The following CEP128 variants were observed in gnomAD, a reference collection of about 807,000 sequenced individuals.
CEP128 encodes centrosomal protein 128kDa.
CEP128 carries 132 observed loss-of-function variants against 156.7 expected under a neutral mutation model. That is an observed-to-expected ratio of 0.84 (90% CI 0.73 to 0.97). CEP128 has a LOEUF of 0.97. CEP128 is among the 50% of genes least tolerant of loss of function. The pLI, the probability that CEP128 is intolerant of heterozygous loss-of-function variation, is 0.00. For missense variants in CEP128, 1,252 were observed against 1,281.9 expected (o/e 0.98, Z 0.36); for synonymous variants, 469 against 448.9 (o/e 1.04, Z -0.57).
At chr14:80,929,662 C>T (rs1016425804) in intron 2 of CEP128, among the ~76,000 whole-genome samples, 3 of 152,054 alleles carry the variant, frequency 2.0e-5, no homozygotes, top group African/African-American at 7.2e-5. Flanking sequence ...GGGAGCTAAG[C>T]TATGAGTACA....
intron 19 of CEP128, among the ~76,000 whole-genome samples, chr14:80,637,901 G>A (rs1244539263): frequency 1.3e-5 from 2 of 152,164 alleles, no homozygotes; most frequent in Non-Finnish European, 2.9e-5. Context: ...AGAAATGCCA[G>A]CAGTCACCAG....
intron 17 of CEP128, 77 bp from the exon 18 acceptor site, chr14:80,757,028 A>C: frequency 1.1e-6 from 1 of 945,170 alleles, no homozygotes; most frequent in South Asian, 1.7e-5. Context: ...TCTTCACCAC[A>C]GTATCCAAAA....
intron 19 of CEP128, among the ~76,000 whole-genome samples, chr14:80,683,435 T>TAC (rs1326516590): frequency 2.6e-5 from 4 of 152,042 alleles, no homozygotes; most frequent in African/African-American, 9.7e-5. Context: ...TATATATATA[T>TAC]ACACACCACC....
downstream of CEP128, among the ~76,000 whole-genome samples, chr14:80,488,061 C>A (rs1482654744): frequency 5.4e-5 from 8 of 148,694 alleles, no homozygotes; most frequent in Middle Eastern, 7.0e-3. Context: ...ACACAAAAAA[C>A]CCTTCAAAAA....
chr14:80,584,545 T>C (rs1000558285), intron 19 of CEP128, among the ~76,000 whole-genome samples: 8 of 152,272 alleles, frequency 5.3e-5, no homozygotes, highest in East Asian at 1.9e-4. Context: ...ACACCATTGC[T>C]GTATGCCACT....
At chr14:80,795,731 T>C (rs1369161774) in intron 13 of CEP128, among the ~76,000 whole-genome samples, 3 of 152,204 alleles carry the variant, frequency 2.0e-5, no homozygotes, top group Admixed American at 6.5e-5. Context: ...TAGTATGTAC[T>C]ATAACTCCTC....
intron 13 of CEP128, among the ~76,000 whole-genome samples, chr14:80,803,126 G>A (rs936367023): frequency 2.6e-5 from 4 of 152,164 alleles, no homozygotes; most frequent in African/African-American, 9.6e-5. Context: ...ATATTTCTGT[G>A]TTCTATTGCT....
chr14:80,831,403 T>C (rs2140044820), intron 12 of CEP128, 109 bp from the exon 13 acceptor site: 2 of 1,174,026 alleles, frequency 1.7e-6, no homozygotes, highest in East Asian at 2.4e-5. Flanking sequence ...TCATAATCCA[T>C]TTATTGACAG....
chr14:80,930,143 G>A (rs1342312152), intron 2 of CEP128, among the ~76,000 whole-genome samples: 2 of 152,200 alleles, frequency 1.3e-5, no homozygotes, highest in African/African-American at 4.8e-5. Context: ...GTGGAGCTGA[G>A]GTGGTGATTC....
chr14:80,874,401 T>G (rs1221539814), intron 8 of CEP128, among the ~76,000 whole-genome samples: 3 of 150,592 alleles, frequency 2.0e-5, no homozygotes, highest in African/African-American at 7.3e-5. Context: ...GAGGTGGAGG[T>G]TGCAGCGAGC....
intron 19 of CEP128, among the ~76,000 whole-genome samples, chr14:80,661,904 G>T (rs1895417796): frequency 6.6e-6 from 1 of 152,116 alleles, no homozygotes; most frequent in Non-Finnish European, 1.5e-5. Context: ...TTGCTTAATG[G>T]ACTGAAAAAC....
chr14:80,875,568 T>A (rs1256391766), intron 8 of CEP128, among the ~76,000 whole-genome samples: 1 of 152,204 alleles, frequency 6.6e-6, no homozygotes, highest in Non-Finnish European at 1.5e-5. Flanking sequence ...ATAAACAGAT[T>A]GATGATTTTG....
At chr14:80,670,226 G>T (rs144386241) in intron 19 of CEP128, among the ~76,000 whole-genome samples, 50 of 152,196 alleles carry the variant, frequency 3.3e-4, no homozygotes, top group African/African-American at 9.9e-4. Context: ...GGCAAATATC[G>T]AAACTATATT....
At chr14:80,739,601 AAGACTGAGACTATTTT>A (rs1330399861) in intron 19 of CEP128, among the ~76,000 whole-genome samples, 5 of 152,120 alleles carry the variant, frequency 3.3e-5, no homozygotes, top group Non-Finnish European at 5.9e-5. Context: ...TCTACTCTTA[AAGACTGAGACTATTTT>A]AGACACAAAG....
intron 24 of CEP128, among the ~76,000 whole-genome samples, chr14:80,501,779 G>T (rs187883321): frequency 8.5e-4 from 129 of 151,868 alleles, no homozygotes; most frequent in Middle Eastern, 3.4e-3. Context: ...CTTTTCTTTG[G>T]TGTGCTCTTG....
chr14:80,682,897 G>A (rs994047300), intron 19 of CEP128, among the ~76,000 whole-genome samples: 11 of 152,116 alleles, frequency 7.2e-5, no homozygotes, highest in African/African-American at 2.7e-4. Context: ...AAGTGCTAAG[G>A]GAATTTGTTA....
chr14:80,615,240 C>T (rs895244243), intron 19 of CEP128, among the ~76,000 whole-genome samples: 1 of 152,126 alleles, frequency 6.6e-6, no homozygotes, highest in African/African-American at 2.4e-5. Flanking sequence ...TAAAAAATGA[C>T]ATTAAATAAC....
At chr14:80,854,569 GTTCATGA>G (rs2140129734) in intron 9 of CEP128, among the ~76,000 whole-genome samples, 1 of 152,098 alleles carries the variant, frequency 6.6e-6, no homozygotes, top group East Asian at 1.9e-4. Context: ...AAGAGAAGTG[GTTCATGA>G]TGAAAGAACA....
intron 9 of CEP128, among the ~76,000 whole-genome samples, chr14:80,842,206 A>C (rs544376684): frequency 6.6e-6 from 1 of 152,128 alleles, no homozygotes; most frequent in East Asian, 1.9e-4. Context: ...TTTTACTGTA[A>C]GTATATGTAA....
Sources: gnomAD v4.1 joint callset for allele counts (sites outside exome capture counted in the v4.1 genomes callset) on GRCh38, gnomAD v4.1.1 for gene constraint, MANE v1.5 for transcripts, NCBI Gene and HGNC (gene_info 2026-07-23, HGNC 2026-07-21) for gene names.